The following INSR variants were observed in gnomAD, a reference collection of about 807,000 sequenced individuals.
INSR encodes the protein insulin receptor, also known as IR.
A neutral mutation model predicts 142.6 loss-of-function variants in INSR; 67 were observed. That is an observed-to-expected ratio of 0.47 (90% CI 0.39 to 0.58). INSR has a LOEUF of 0.58. Ranked by LOEUF, INSR falls within the 20% of genes least tolerant of loss-of-function variation. The probability of loss-of-function intolerance (pLI) is 0.00; values close to 1 mark genes in which losing one functional copy is unlikely to be tolerated. For missense variants in INSR, 1,248 were observed against 1,833.2 expected, an observed-to-expected ratio of 0.68 and a Z score of 5.83; for synonymous variants, 756 against 743.1, an observed-to-expected ratio of 1.02 and a Z score of -0.28.
intron 1 of INSR, among the ~76,000 whole-genome samples, chr19:7,272,148 C>CA (rs961024857): frequency 2.6e-5 from 4 of 151,758 alleles, no homozygotes; most frequent in African/African-American, 9.7e-5. Flanking sequence ...ACTAAACATA[C>CA]AAAAAAAATT....
In INSR at chr19:7,128,853, T is replaced by A. The variant is rs1972709510; in HGVS notation, c.2944A>T (p.Arg982Trp). The change falls in exon 15 of 22, where the codon AGG becomes TGG. Residue 982 changes from arginine (R) to tryptophan (W), a missense_variant and splice_region_variant. Physicochemically the swap from Arg to Trp is moderately radical, Grantham distance 101. Transcript: ENST00000302850. ...IGSIYLFLRK[R>W]QPDGPLGPLY... ...CACCACTGAACTCACTGAACTCACC[T>A]CTTTCTCAGGAATAGATAAATACTT... 1 of 1,607,468 alleles carries A rather than the reference T, an allele frequency of 6.2e-7. No homozygotes were observed. The highest frequency in any genetic ancestry group is 1.1e-5 in the South Asian group (1 of 90,916).
chr19:7,179,013 C>T (rs540297090), intron 3 of INSR, among the ~76,000 whole-genome samples: 20 of 152,270 alleles, frequency 1.3e-4, no homozygotes, highest in African/African-American at 4.6e-4. Context: ...TGGGCTCAAG[C>T]GATCCTCCTG....
intron 1 of INSR, among the ~76,000 whole-genome samples, chr19:7,283,916 A>T (rs1370794560): frequency 2.0e-5 from 3 of 152,128 alleles, no homozygotes; most frequent in African/African-American, 7.2e-5. Flanking sequence ...GCCTTGTTTT[A>T]TGTGTGTTTC....
At chr19:7,250,442 AAAGAAGAAAGAAAAGGAAGAAAAGAAAG>A (rs1976682757) in intron 2 of INSR, among the ~76,000 whole-genome samples, 1 of 78,714 alleles carries the variant, frequency 1.3e-5, no homozygotes. Context: ...AGAAGAAAAG[AAAGAAGAAAGAAAAGGAAGAAAAGAAAG>A]AAAGAAAAGA....
intron 3 of INSR, among the ~76,000 whole-genome samples, chr19:7,177,415 C>T (rs992217577): frequency 5.9e-5 from 9 of 152,164 alleles, no homozygotes; most frequent in Non-Finnish European, 1.3e-4. Context: ...TCAGGTACAT[C>T]GCTTAAGCTT....
At chr19:7,292,093 T>C (rs1055475025) in intron 1 of INSR, among the ~76,000 whole-genome samples, 1 of 16,656 alleles carries the variant, frequency 6.0e-5, no homozygotes, top group Admixed American at 7.2e-4. Flanking sequence ...ACGCCCCGCC[T>C]TTTTTTTTAT....
At chr19:7,268,785 T>C (rs112501568) in intron 1 of INSR, among the ~76,000 whole-genome samples, 2 of 151,854 alleles carry the variant, frequency 1.3e-5, no homozygotes, top group African/African-American at 4.8e-5. Context: ...CATATAACAG[T>C]CATCTCTAGG....
rs530456604 is a variant in INSR at position 7,266,959 on chromosome 19, A to G, written c.652+386T>C. On this transcript the variant is annotated intron_variant, in intron 2 of 21. Transcript: ENST00000302850. ...AGTTTTCCACTCCTTTTCCTCTCCC[A>G]AGCAAGAAGAACATTCACTGACTAG... Among the ~76,000 whole-genome samples the G allele has an allele frequency of 2.0e-5, 3 of 152,176 alleles. No individual in the cohort carries two copies. In the South Asian group the frequency reaches 6.2e-4, roughly 32 times the overall value.
chr19:7,216,088 C>G lies in INSR; in HGVS notation c.653-31451G>C, dbSNP rs1975424938. Reference sequence around the variant, plus strand: ...CTATAATCCCAGCACTTTGGGAGGCCAAGGTGAGTGGACCACCTGAGGTCA... The same window carrying G: ...CTATAATCCCAGCACTTTGGGAGGCGAAGGTGAGTGGACCACCTGAGGTCA... On this transcript the variant is annotated intron_variant, in intron 2 of 21. Coordinates refer to ENST00000302850, the MANE Select transcript of INSR (RefSeq NM_000208.4). The surrounding 1 kb of genome is among the most constrained non-coding windows in gnomAD (Gnocchi z 4.2). Among the ~76,000 whole-genome samples the G allele has an allele frequency of 6.6e-6, 1 of 151,642 alleles. No individual in the cohort carries two copies. Among genetic ancestry groups the G allele is most frequent in the Non-Finnish European group, 1.5e-5 (1 of 67,938 alleles).
At chr19:7,153,787 G>A (rs1395635177) in intron 9 of INSR, among the ~76,000 whole-genome samples, 1 of 152,152 alleles carries the variant, frequency 6.6e-6, no homozygotes, top group Non-Finnish European at 1.5e-5. Flanking sequence ...AGGCCGAGGT[G>A]TGAGGATCAC....
chr19:7,230,437 T>C (rs1171641203), intron 2 of INSR, among the ~76,000 whole-genome samples: 1 of 152,186 alleles, frequency 6.6e-6, no homozygotes, highest in East Asian at 1.9e-4. Flanking sequence ...AGTGTCCACC[T>C]GGTGAGGTCA....
At chr19:7,223,470 C>G (rs1445376660) in intron 2 of INSR, among the ~76,000 whole-genome samples, 1 of 152,156 alleles carries the variant, frequency 6.6e-6, no homozygotes. Flanking sequence ...CTGTGATGGT[C>G]CTGGCTAACC....
intron 15 of INSR, 24 bp downstream of exon 15, chr19:7,128,828 C>T: frequency 1.3e-6 from 2 of 1,507,590 alleles, no homozygotes; most frequent in Non-Finnish European, 1.8e-6. Context: ...GTTCCCAGCA[C>T]ACCACTGAAC....
chr19:7,170,771 A>T lies in INSR; in HGVS notation c.1269-20T>A, dbSNP rs1973999182. 6.3e-7 allele frequency: 1 copy of T among 1,579,662 alleles called. No individual in the cohort carries two copies. The highest frequency in any genetic ancestry group is 8.7e-7 in the Non-Finnish European group (1 of 1,148,702). On this transcript the variant is annotated intron_variant, in intron 5 of 21. Transcript: ENST00000302850. ...TAGTTCCTATGGAAAAAACACACAC[A>T]TCTAGTCATTCAACGGCTGGTCTTC...
chr19:7,290,870 G>A (rs1270416417), intron 1 of INSR, among the ~76,000 whole-genome samples: 2 of 151,594 alleles, frequency 1.3e-5, no homozygotes, highest in Non-Finnish European at 2.9e-5. Context: ...AGGAGGTCGA[G>A]ACCATCCTGG....
intron 13 of INSR, 189 bp downstream of exon 13, chr19:7,141,488 C>A: frequency 1.4e-6 from 1 of 717,994 alleles, no homozygotes. Flanking sequence ...AAGTAACAAG[C>A]TGGTAGATTG....
At chr19:7,191,308 AG>A (rs1405875584) in intron 2 of INSR, among the ~76,000 whole-genome samples, 86,166 of 142,382 alleles carry the variant, frequency 0.61, 26,102 homozygotes, top group Admixed American at 0.63. Flanking sequence ...AAAAGAAAAG[AG>A]AAAGAAAGAA....
At chr19:7,285,589 C>T (rs1968326793) in intron 1 of INSR, among the ~76,000 whole-genome samples, 1 of 151,920 alleles carries the variant, frequency 6.6e-6, no homozygotes. Context: ...GGAATTAGGA[C>T]CACACCACTG....
intron 1 of INSR, among the ~76,000 whole-genome samples, chr19:7,272,937 A>G (rs1212405790): frequency 6.6e-6 from 1 of 152,168 alleles, no homozygotes; most frequent in Non-Finnish European, 1.5e-5. Flanking sequence ...AAAAAATCCG[A>G]AAGAGGCAAA....
Sources: gnomAD v4.1 joint callset for allele counts (sites outside exome capture counted in the v4.1 genomes callset) on GRCh38, gnomAD v4.1.1 for gene constraint, Gnocchi (gnomAD v3.1) non-coding constraint, MANE v1.5 for transcripts, NCBI Gene and HGNC (gene_info 2026-07-23, HGNC 2026-07-21) for gene names.